The following CPVL variants were observed in gnomAD, a reference collection of about 807,000 sequenced individuals.
CPVL encodes carboxypeptidase vitellogenic like.
CPVL carries 51 observed loss-of-function variants against 63.7 expected under a neutral mutation model. The observed-to-expected ratio is 0.80, with a 90% CI of 0.64 to 1.01. The LOEUF (loss-of-function observed/expected upper bound fraction) is 1.01. Ranked by LOEUF, CPVL falls within the 50% of genes least tolerant of loss-of-function variation. The probability of loss-of-function intolerance (pLI) is 0.00; values close to 1 mark genes in which losing one functional copy is unlikely to be tolerated. For synonymous variants in CPVL, 195 were observed against 206.0 expected (o/e 0.95, Z 0.46); for missense variants, 530 against 573.1 (o/e 0.92, Z 0.77).
intron 11 of CPVL, among the ~76,000 whole-genome samples, chr7:29,037,166 G>C (rs1788610155): frequency 6.6e-6 from 1 of 152,146 alleles, no homozygotes; most frequent in South Asian, 2.1e-4. Flanking sequence ...GGCTGGGTTT[G>C]AATCTGACCC....
At chr7:29,117,532 T>A (rs1345600326) in intron 2 of CPVL, among the ~76,000 whole-genome samples, 3 of 152,142 alleles carry the variant, frequency 2.0e-5, no homozygotes, top group African/African-American at 7.2e-5. Flanking sequence ...GTGGTTCATA[T>A]CATGGGCTCT....
intron 11 of CPVL, among the ~76,000 whole-genome samples, chr7:29,051,764 G>A (rs555699910): frequency 5.3e-5 from 8 of 152,080 alleles, no homozygotes; most frequent in Non-Finnish European, 1.0e-4. Context: ...AGGAAAAGAA[G>A]TCATTATATG....
At chr7:29,138,377 T>G (rs964925739) in intron 1 of CPVL, among the ~76,000 whole-genome samples, 3 of 152,104 alleles carry the variant, frequency 2.0e-5, no homozygotes, top group African/African-American at 7.2e-5. Flanking sequence ...GAGGCAGAGG[T>G]TGCAGTGATC....
intron 11 of CPVL, among the ~76,000 whole-genome samples, chr7:29,046,754 G>A (rs1584091809): frequency 6.6e-6 from 1 of 152,062 alleles, no homozygotes; most frequent in African/African-American, 2.4e-5. Context: ...ACGGGACCAG[G>A]GGACCTCTCC....
Position 29,003,149 on chromosome 7 carries a change from T to C in CPVL, c.1321-7267A>G, listed in dbSNP as rs980229090. Reference sequence around the variant, plus strand: ...ATAGTATATTACACTATAGTATGTGTATGTGCACACACACACACACACACA... The same window carrying C: ...ATAGTATATTACACTATAGTATGTGCATGTGCACACACACACACACACACA... On this transcript the variant is annotated intron_variant, in intron 12 of 12. Transcript: ENST00000265394. 5.8e-5 allele frequency among the ~76,000 whole-genome samples: 7 copies of C among 120,374 alleles called. No individual in the cohort carries two copies. The Admixed American group carries it at 6.1e-4, about 10-fold the overall frequency. The allele number at this position is 120,374 out of a possible 152,430, so 79.0% of individuals were successfully genotyped here. A position where few individuals can be genotyped will look rare whatever the true frequency, so the allele number is the denominator to read the frequency against.
At chr7:29,041,126 ATT>A (rs1191228187) in intron 11 of CPVL, among the ~76,000 whole-genome samples, 58 of 104,886 alleles carry the variant, frequency 5.5e-4, no homozygotes, top group Middle Eastern at 5.6e-3. Flanking sequence ...CAATAACTGG[ATT>A]TTTTTTTTTT....
intron 12 of CPVL, among the ~76,000 whole-genome samples, chr7:29,005,355 T>C (rs920017729): frequency 4.3e-4 from 66 of 152,190 alleles, no homozygotes; most frequent in African/African-American, 1.5e-3. Flanking sequence ...CTAATAAATA[T>C]AACATTCATT....
At chr7:29,173,267 T>A (rs1313481390) in intron 5 of CPVL, among the ~76,000 whole-genome samples, 1 of 152,044 alleles carries the variant, frequency 6.6e-6, no homozygotes, top group East Asian at 1.9e-4. Context: ...AAAAAAGCCC[T>A]GTAGCTGGCA....
In CPVL at chr7:29,008,069, T is replaced by C. The variant is rs77295353; in HGVS notation, c.1321-12187A>G. Among the ~76,000 whole-genome samples, 1,061 of 152,128 alleles carry C rather than the reference T, an allele frequency of 7.0e-3. 11 individuals carry two copies. The highest frequency in any genetic ancestry group is 0.024 in the African/African-American group (981 of 41,496). ...TGGGGAAAGATCAAGCATACCAAGATTGCCAAGAATGAAAGGCAAATGGGA... is the reference window on the plus strand; with the variant it reads ...TGGGGAAAGATCAAGCATACCAAGACTGCCAAGAATGAAAGGCAAATGGGA... On this transcript the variant is annotated intron_variant, in intron 12 of 12. Coordinates refer to ENST00000265394, the MANE Select transcript of CPVL (RefSeq NM_031311.5).
chr7:29,089,860 C>CT (rs112115146), intron 6 of CPVL, among the ~76,000 whole-genome samples: 17,361 of 143,052 alleles, frequency 0.12, 1,221 homozygotes, highest in Non-Finnish European at 0.16. Flanking sequence ...CCATTGAATT[C>CT]TTTTTTTTTT....
At chr7:29,085,820 C>G (rs1785145980) in intron 7 of CPVL, among the ~76,000 whole-genome samples, 1 of 152,150 alleles carries the variant, frequency 6.6e-6, no homozygotes, top group African/African-American at 2.4e-5. Context: ...TTGACATAAC[C>G]TAAGCACTGA....
At chr7:29,074,583 C>T (rs317717) in intron 7 of CPVL, among the ~76,000 whole-genome samples, 147,621 of 151,906 alleles carry the variant, frequency 0.97, 71,787 homozygotes, top group South Asian at 0.99. Context: ...TCATCTCCAA[C>T]TGTAATCCTT....
chr7:29,088,043 C>G (rs543363516), intron 6 of CPVL, among the ~76,000 whole-genome samples: 1 of 152,244 alleles, frequency 6.6e-6, no homozygotes, highest in South Asian at 2.1e-4. Flanking sequence ...TTCTCTCTTC[C>G]TGCTTGTTGG....
chr7:29,056,839 T>C (rs1475491823), intron 11 of CPVL, among the ~76,000 whole-genome samples: 3 of 152,194 alleles, frequency 2.0e-5, no homozygotes, highest in Admixed American at 2.0e-4. Flanking sequence ...AAGCATTTAG[T>C]GTTGTCAGTA....
At chr7:29,079,542 A>G (rs1327551591) in intron 7 of CPVL, among the ~76,000 whole-genome samples, 1 of 152,232 alleles carries the variant, frequency 6.6e-6, no homozygotes, top group Non-Finnish European at 1.5e-5. Flanking sequence ...GAGGTAATGC[A>G]TAAAACAGTG....
At chr7:29,028,734 GT>G (rs1418260559) in intron 12 of CPVL, among the ~76,000 whole-genome samples, 13 of 147,124 alleles carry the variant, frequency 8.8e-5, no homozygotes, top group Non-Finnish European at 1.7e-4. Flanking sequence ...GGAGGCCAAG[GT>G]GGGGCAGATC....
rs7785618 is a variant in CPVL at position 29,098,051 on chromosome 7, G to A, written c.289-1834C>T. On this transcript the variant is annotated intron_variant, in intron 3 of 12. Transcript: ENST00000265394. The stretch of plus-strand genomic sequence containing the variant: ...GGGCCCTTGCATGATGGCATGGCTC[G>A]TTGGATGGTTAGTCAGCAAGGATCC... 2.8e-3 allele frequency among the ~76,000 whole-genome samples: 420 copies of A among 152,286 alleles called. 1 individual carries two copies. Among genetic ancestry groups the A allele is most frequent in the African/African-American group, 9.4e-3 (390 of 41,560 alleles).
At position 29,047,397 on chromosome 7, in the gene CPVL, G is replaced by A. The variant is rs193281430; in HGVS notation, c.1138-16638C>T. 3.9e-5 allele frequency among the ~76,000 whole-genome samples: 6 copies of A among 152,212 alleles called. No homozygotes were observed. The South Asian group carries it at 8.3e-4, about 21-fold the overall frequency. Reference sequence around the variant, plus strand: ...ACTTATAGAAATGCAAAATACTCTCGAAAGTCTCAGCAATAGAACTGAACA... The same window carrying A: ...ACTTATAGAAATGCAAAATACTCTCAAAAGTCTCAGCAATAGAACTGAACA... On this transcript the variant is annotated intron_variant, in intron 11 of 12. Transcript: ENST00000265394.
At chr7:29,093,364 G>A (rs1368769242) in intron 5 of CPVL, among the ~76,000 whole-genome samples, 6 of 123,484 alleles carry the variant, frequency 4.9e-5, no homozygotes, top group African/African-American at 1.2e-4. Flanking sequence ...GTGACCAAGC[G>A]AGACTCCGTC....
Sources: allele counts gnomAD v4.1 joint callset (sites outside exome capture counted in the v4.1 genomes callset), GRCh38; gene constraint gnomAD v4.1.1; transcripts MANE v1.5; gene names NCBI Gene and HGNC (gene_info 2026-07-23, HGNC 2026-07-21).